Variants in EGLN1 observed in about 807,000 individuals in gnomAD.
EGLN1 encodes the protein egl nine homolog 1.
A neutral mutation model predicts 38.3 loss-of-function variants in EGLN1; 17 were observed. That is an observed-to-expected ratio of 0.44 (90% CI 0.30 to 0.67). EGLN1 has a LOEUF of 0.67. EGLN1 is among the 30% of genes least tolerant of loss of function. The pLI, the probability that EGLN1 is intolerant of heterozygous loss-of-function variation, is 0.08. For missense variants in EGLN1, 477 were observed against 603.3 expected (o/e 0.79, Z 2.19); for synonymous variants, 283 against 257.5 (o/e 1.10, Z -0.95).
intron 1 of EGLN1, among the ~76,000 whole-genome samples, chr1:231,384,611 G>T (rs1688151146): frequency 6.6e-6 from 1 of 152,106 alleles, no homozygotes; most frequent in Non-Finnish European, 1.5e-5. Flanking sequence ...GAGGAGGGAG[G>T]AAAGCAGACA....
At chr1:231,414,759 G>C (rs548296585) in intron 1 of EGLN1, among the ~76,000 whole-genome samples, 1 of 134,698 alleles carries the variant, frequency 7.4e-6, no homozygotes, top group South Asian at 2.3e-4. Flanking sequence ...TTTGAGACAG[G>C]CTCTCGCTGT....
intron 1 of EGLN1, among the ~76,000 whole-genome samples, chr1:231,386,247 T>C (rs1219532112): frequency 6.6e-6 from 1 of 152,246 alleles, no homozygotes; most frequent in East Asian, 1.9e-4. Flanking sequence ...TCTATTTGTA[T>C]AGAACTCTAG....
At chr1:231,383,738 C>T (rs943682222) in intron 1 of EGLN1, among the ~76,000 whole-genome samples, 3 of 152,076 alleles carry the variant, frequency 2.0e-5, no homozygotes, top group African/African-American at 7.2e-5. Context: ...CTTTACCTTA[C>T]AGGCCAGTGT....
At chr1:231,383,889 T>C (rs1448285807) in intron 1 of EGLN1, among the ~76,000 whole-genome samples, 1 of 152,130 alleles carries the variant, frequency 6.6e-6, no homozygotes, top group Admixed American at 6.5e-5. Context: ...CAATTATTCC[T>C]TCATAAGAGA....
In EGLN1 at chr1:231,404,806, C is replaced by T. The variant is rs148056105; in HGVS notation, c.891+16192G>A. Among the ~76,000 whole-genome samples, 64 of 152,074 alleles carry T rather than the reference C, an allele frequency of 4.2e-4. 1 individual carries two copies. Among genetic ancestry groups the T allele is most frequent in the South Asian group, 2.3e-3 (11 of 4,816 alleles). The stretch of plus-strand genomic sequence containing the variant: ...TTGCCACTTGACTTCAATCTGCTAA[C>T]GGAGAAGGCATGAGGAGAGAAAGAT... On this transcript the variant is annotated intron_variant, in intron 1 of 4. Coordinates refer to ENST00000366641, the MANE Select transcript of EGLN1 (RefSeq NM_022051.3).
chr1:231,368,124 G>A (rs1687706413), intron 3 of EGLN1, among the ~76,000 whole-genome samples: 1 of 152,186 alleles, frequency 6.6e-6, no homozygotes, highest in Admixed American at 6.5e-5. Context: ...CGGGGAGGCG[G>A]AGGTTGCAGT....
chr1:231,413,135 G>A (rs1006075103), intron 1 of EGLN1, among the ~76,000 whole-genome samples: 1 of 151,986 alleles, frequency 6.6e-6, no homozygotes, highest in African/African-American at 2.4e-5. Context: ...GAGTGCGGTG[G>A]CATCATCTTG....
At position 231,421,623 on chromosome 1, in the gene EGLN1, C is replaced by A; in HGVS notation, c.266G>T (p.Gly89Val). 1 of 1,387,638 alleles carries A rather than the reference C, an allele frequency of 7.2e-7. No homozygotes were observed. The allele number at this position is 1,387,638 out of a possible 1,614,324, so 86.0% of individuals were successfully genotyped here. A position where few individuals can be genotyped will look rare whatever the true frequency, so the allele number is the denominator to read the frequency against. ...CGCTGCCTTCCTGGGCTCCCGGGCCCCGGCCCTGGGCGGCGGCACTGCAGC... is the reference window on the plus strand; with the variant it reads ...CGCTGCCTTCCTGGGCTCCCGGGCCACGGCCCTGGGCGGCGGCACTGCAGC... Reference protein sequence around the residue: ...PPAAVPPPRAGAREPRKAAAR... With the variant: ...PPAAVPPPRAVAREPRKAAAR... The change falls in exon 1 of 5, where the codon GGG (glycine) becomes GTG (valine). Residue 89 changes from glycine (G) to valine (V), a missense_variant. Coordinates refer to ENST00000366641, the MANE Select transcript of EGLN1 (RefSeq NM_022051.3). This position sits in a 1 kb window ranked among gnomAD's most constrained non-coding sequence, Gnocchi z 5.5.
intron 1 of EGLN1, among the ~76,000 whole-genome samples, chr1:231,406,562 G>A (rs1688801520): frequency 6.6e-6 from 1 of 152,070 alleles, no homozygotes; most frequent in African/African-American, 2.4e-5. Context: ...TGGGGGAAAA[G>A]AAACTCAAAC....
At chr1:231,367,956 G>C (rs962225553) in intron 3 of EGLN1, among the ~76,000 whole-genome samples, 5 of 152,118 alleles carry the variant, frequency 3.3e-5, no homozygotes, top group Non-Finnish European at 7.4e-5. Context: ...GGCCGAAGTG[G>C]GTGGATCATG....
At chr1:231,389,516 T>C (rs1295140851) in intron 1 of EGLN1, among the ~76,000 whole-genome samples, 2 of 152,214 alleles carry the variant, frequency 1.3e-5, no homozygotes, top group Admixed American at 6.5e-5. Context: ...ACATTCCTCA[T>C]GGACTGTAAT....
At chr1:231,373,688 GTGTGTGTGTGTGTGTA>G (rs199672304) in intron 2 of EGLN1, among the ~76,000 whole-genome samples, 35 of 149,360 alleles carry the variant, frequency 2.3e-4, no homozygotes, top group South Asian at 1.7e-3. Context: ...GTGTGTGTGT[GTGTGTGTGTGTGTGTA>G]TGTGTGTGTG....
chr1:231,389,677 G>A (rs781594600), intron 1 of EGLN1, among the ~76,000 whole-genome samples: 5 of 152,150 alleles, frequency 3.3e-5, no homozygotes, highest in East Asian at 3.9e-4. Flanking sequence ...GACCGGGTGC[G>A]GTGGCTCACG....
intron 1 of EGLN1, among the ~76,000 whole-genome samples, chr1:231,380,158 G>C (rs1458852173): frequency 6.6e-6 from 1 of 152,108 alleles, no homozygotes. Flanking sequence ...ATTGCCAAGG[G>C]AGTACAGAGA....
At chr1:231,418,615 G>C (rs1218007076) in intron 1 of EGLN1, among the ~76,000 whole-genome samples, 1 of 152,180 alleles carries the variant, frequency 6.6e-6, no homozygotes, top group Admixed American at 6.5e-5. Context: ...TGTAACCACA[G>C]TACTTTGGGA....
At chr1:231,387,644 C>A (rs1030675961) in intron 1 of EGLN1, among the ~76,000 whole-genome samples, 2 of 152,158 alleles carry the variant, frequency 1.3e-5, no homozygotes, top group African/African-American at 2.4e-5. Context: ...TAGGCGTGAG[C>A]CACCACACCC....
intron 1 of EGLN1, among the ~76,000 whole-genome samples, chr1:231,415,328 TAA>T (rs1558082669): frequency 6.6e-6 from 1 of 150,930 alleles, no homozygotes; most frequent in African/African-American, 2.4e-5. Flanking sequence ...GAAATATGTA[TAA>T]AGTTACAGAT....
intron 3 of EGLN1, chr1:231,369,656 G>A (rs2102893348): frequency 1.1e-6 from 1 of 925,570 alleles, no homozygotes; most frequent in Non-Finnish European, 1.3e-6. Flanking sequence ...AAAAGGCACA[G>A]CTGATAATCA....
chr1:231,368,744 T>C (rs551800543), intron 3 of EGLN1, among the ~76,000 whole-genome samples: 1 of 152,168 alleles, frequency 6.6e-6, no homozygotes, highest in South Asian at 2.1e-4. Context: ...GAATGAAAAA[T>C]CACATAATGT....
Sources: allele counts gnomAD v4.1 joint callset (sites outside exome capture counted in the v4.1 genomes callset), GRCh38; gene constraint gnomAD v4.1.1; non-coding constraint Gnocchi (gnomAD v3.1); transcripts MANE v1.5; gene names NCBI Gene and HGNC (gene_info 2026-07-23, HGNC 2026-07-21).